NEDD4L: variants seen among roughly 807,000 people sequenced by gnomAD.
The protein encoded by NEDD4L is NEDD4 like E3 ubiquitin protein ligase.
Under a neutral mutation model 148.9 loss-of-function variants are expected in NEDD4L, and 54 were observed. The observed-to-expected ratio is 0.36, with a 90% CI of 0.29 to 0.45. The LOEUF (loss-of-function observed/expected upper bound fraction) is 0.45, where lower values mean the gene tolerates loss of function less well. Among genes scored for constraint, NEDD4L ranks in the 20% least tolerant of loss-of-function variants. The pLI, the probability that NEDD4L is intolerant of heterozygous loss-of-function variation, is 1.00. For synonymous variants in NEDD4L, 433 were observed against 440.7 expected (o/e 0.98, Z 0.22); for missense variants, 856 against 1,233.8 (o/e 0.69, Z 4.59).
At chr18:58,126,081 T>C (rs1221126352) in intron 1 of NEDD4L, among the ~76,000 whole-genome samples, 3 of 152,250 alleles carry the variant, frequency 2.0e-5, no homozygotes, top group African/African-American at 4.8e-5. Flanking sequence ...AGGGGACCGT[T>C]GCTCCGAGAG....
intron 1 of NEDD4L, among the ~76,000 whole-genome samples, chr18:58,114,006 C>G (rs911574616): frequency 2.0e-5 from 3 of 152,152 alleles, no homozygotes; most frequent in Non-Finnish European, 4.4e-5. Context: ...GCTCTCATAC[C>G]AGCCGCAGGG....
At chr18:58,359,247 A>G (rs1416156736) in intron 19 of NEDD4L, among the ~76,000 whole-genome samples, 1 of 151,750 alleles carries the variant, frequency 6.6e-6, no homozygotes, top group Non-Finnish European at 1.5e-5. Context: ...CTCTCTCGCG[A>G]TATTTTATCT....
At position 58,105,528 on chromosome 18, in the gene NEDD4L, A is replaced by G. The variant is rs1300865347; in HGVS notation, c.49-60260A>G. Among the ~76,000 whole-genome samples the G allele has an allele frequency of 2.6e-5, 4 of 152,230 alleles. No homozygotes were observed. The East Asian group carries it at 7.7e-4, about 29-fold the overall frequency. ...ATTAAGATTTTAATCTAAATCTTCT[A>G]AATGACTATGGGAATCTGTTTATTT... is the stretch of plus-strand genomic sequence containing the variant. On this transcript the variant is annotated intron_variant, in intron 1 of 30. Coordinates refer to ENST00000400345, the MANE Select transcript of NEDD4L (RefSeq NM_001144967.3).
At chr18:58,084,799 A>G (rs188703911) in intron 1 of NEDD4L, among the ~76,000 whole-genome samples, 1 of 151,412 alleles carries the variant, frequency 6.6e-6, no homozygotes, top group Non-Finnish European at 1.5e-5. Context: ...GGCTCAAGAG[A>G]TCCTCCCACC....
rs979162293 is a variant in NEDD4L, at chr18:58,214,152, GATAA to G, written c.123-31272_123-31269del. ...AAGCAGAGAGGAAATGAAGCTTCCT[GATAA>G]ATCACCTGATCGCTGCCCCAGGGTT... On this transcript the variant is annotated intron_variant, in intron 2 of 30. Coordinates refer to ENST00000400345, the MANE Select transcript of NEDD4L (RefSeq NM_001144967.3). Among the ~76,000 whole-genome samples, 9 of 141,346 alleles carry G rather than the reference GATAA, an allele frequency of 6.4e-5. No homozygotes were observed. The East Asian group carries it at 7.0e-4, about 11-fold the overall frequency. 92.7% of individuals were successfully genotyped at this position (141,346 alleles called of 152,430 possible).
intron 1 of NEDD4L, among the ~76,000 whole-genome samples, chr18:58,102,252 G>C (rs2084801364): frequency 6.6e-6 from 1 of 152,100 alleles, no homozygotes; most frequent in Non-Finnish European, 1.5e-5. Flanking sequence ...GGTGGTGACT[G>C]CTTGGTGAGC....
intron 2 of NEDD4L, among the ~76,000 whole-genome samples, chr18:58,219,825 T>G (rs564599412): frequency 1.9e-4 from 29 of 152,334 alleles, no homozygotes; most frequent in African/African-American, 6.5e-4. Context: ...CAGGTAACAT[T>G]TGGTAGGACG....
At chr18:58,193,489 C>A (rs1334166532) in intron 2 of NEDD4L, among the ~76,000 whole-genome samples, 1 of 143,176 alleles carries the variant, frequency 7.0e-6, no homozygotes, top group Non-Finnish European at 1.6e-5. Flanking sequence ...CAGATTTATT[C>A]TCTTCCCCCT....
chr18:58,360,811 C>T (rs892124291), intron 19 of NEDD4L, among the ~76,000 whole-genome samples: 9 of 151,452 alleles, frequency 5.9e-5, no homozygotes, highest in Non-Finnish European at 1.2e-4. Context: ...CATGAGCAAG[C>T]TCATTTTTTT....
At position 58,341,668 on chromosome 18, in the gene NEDD4L, T is replaced by C. The variant is rs2145186352; in HGVS notation, c.1258-10T>C. ...CCTATGAAGCTAACTTGTTTTTGCC[T>C]CCAAAATAGCTTGCAGAAGATGGTG... On this transcript the variant is annotated splice_polypyrimidine_tract_variant and intron_variant, in intron 14 of 30. Coordinates refer to ENST00000400345, the MANE Select transcript of NEDD4L (RefSeq NM_001144967.3). 1 of 1,610,980 alleles carries C rather than the reference T, an allele frequency of 6.2e-7. No individual in the cohort carries two copies. The highest frequency in any genetic ancestry group is 8.5e-7 in the Non-Finnish European group (1 of 1,178,688).
chr18:58,221,806 C>A, intron 2 of NEDD4L: 1 of 769,532 alleles, frequency 1.3e-6, no homozygotes, highest in Non-Finnish European at 1.6e-6. Flanking sequence ...TGCATAACAT[C>A]TGTTCTTGGT....
At chr18:58,377,853 C>T (rs1188789720) in intron 24 of NEDD4L, among the ~76,000 whole-genome samples, 2 of 152,200 alleles carry the variant, frequency 1.3e-5, no homozygotes, top group African/African-American at 2.4e-5. Context: ...AAGCAATTCT[C>T]AATGCCTCAG....
intron 1 of NEDD4L, among the ~76,000 whole-genome samples, chr18:58,068,015 A>G (rs1037339249): frequency 2.6e-5 from 4 of 152,128 alleles, no homozygotes; most frequent in African/African-American, 9.7e-5. Flanking sequence ...GCTGGAGTGC[A>G]GCTGTGTGAT....
rs763828072 is a variant in NEDD4L at position 58,149,584 on chromosome 18, G to C, written c.49-16204G>C. On this transcript the variant is annotated intron_variant, in intron 1 of 30. Transcript: ENST00000400345. ...GGTAACACTCGGTAAGACTTTGCTTGGTGGGGGAGGAGGTTTTACCTTCCT... is the reference window on the plus strand; with the variant it reads ...GGTAACACTCGGTAAGACTTTGCTTCGTGGGGGAGGAGGTTTTACCTTCCT... 8.1e-6 allele frequency: 12 copies of C among 1,484,714 alleles called. No homozygotes were observed. The African/African-American group carries it at 1.4e-4, about 17-fold the overall frequency. 92.0% of individuals were successfully genotyped at this position (1,484,714 alleles called of 1,614,324 possible).
chr18:58,368,937 G>A (rs1255354626), intron 22 of NEDD4L, among the ~76,000 whole-genome samples: 5 of 152,212 alleles, frequency 3.3e-5, no homozygotes, highest in African/African-American at 9.7e-5. Context: ...TTTAGTCACC[G>A]TATGCAAGTG....
At chr18:58,212,583 G>C (rs986795002) in intron 2 of NEDD4L, among the ~76,000 whole-genome samples, 1 of 152,180 alleles carries the variant, frequency 6.6e-6, no homozygotes, top group African/African-American at 2.4e-5. Flanking sequence ...GATTATTACA[G>C]TTCAAGGTGA....
intron 1 of NEDD4L, among the ~76,000 whole-genome samples, chr18:58,066,302 T>G (rs1253098528): frequency 6.6e-6 from 1 of 151,776 alleles, no homozygotes; most frequent in African/African-American, 2.4e-5. Context: ...ACTGGCTGAG[T>G]GAGAGTGATC....
intron 5 of NEDD4L, among the ~76,000 whole-genome samples, chr18:58,277,507 C>T (rs2052319830): frequency 6.6e-6 from 1 of 151,862 alleles, no homozygotes; most frequent in Non-Finnish European, 1.5e-5. Context: ...GTGGCAGTCT[C>T]CCCTAGGCTC....
At chr18:58,329,518 G>A (rs1201479302) in intron 10 of NEDD4L, among the ~76,000 whole-genome samples, 2 of 151,794 alleles carry the variant, frequency 1.3e-5, no homozygotes, top group South Asian at 2.1e-4. Flanking sequence ...CACCACACCC[G>A]GCCAGTTTTT....
Sources: allele counts gnomAD v4.1 joint callset (sites outside exome capture counted in the v4.1 genomes callset), GRCh38; gene constraint gnomAD v4.1.1; transcripts MANE v1.5; gene names NCBI Gene and HGNC (gene_info 2026-07-23, HGNC 2026-07-21).